The following PRKG1 variants were observed in gnomAD, a reference collection of about 807,000 sequenced individuals.
PRKG1 encodes protein kinase cGMP-dependent 1, also known as cGMP-dependent protein kinase 1.
PRKG1 carries 35 observed loss-of-function variants against 88.1 expected under a neutral mutation model. That is an observed-to-expected ratio of 0.40 (90% CI 0.30 to 0.53). PRKG1 has a LOEUF of 0.53. Ranked by LOEUF, PRKG1 falls within the 20% of genes least tolerant of loss-of-function variation. PRKG1 has a pLI of 0.59. For synonymous variants in PRKG1, 303 were observed against 292.5 expected (o/e 1.04, Z -0.37); for missense variants, 540 against 839.8 (o/e 0.64, Z 4.41).
At chr10:51,123,581 G>T (rs1198765642) in intron 1 of PRKG1, among the ~76,000 whole-genome samples, 1 of 151,946 alleles carries the variant, frequency 6.6e-6, no homozygotes, top group Non-Finnish European at 1.5e-5. Context: ...AGCTACTCGG[G>T]TGGCTGAGGC....
intron 4 of PRKG1, among the ~76,000 whole-genome samples, chr10:51,889,166 C>T (rs1007528770): frequency 6.0e-5 from 9 of 150,328 alleles, no homozygotes; most frequent in African/African-American, 1.5e-4. Context: ...CCCATTAACT[C>T]GTCATTTACA....
intron 9 of PRKG1, among the ~76,000 whole-genome samples, chr10:52,208,067 G>C (rs966450720): frequency 1.8e-4 from 28 of 152,232 alleles, no homozygotes; most frequent in Middle Eastern, 6.8e-3. Context: ...GGAGTTGAAG[G>C]CTACACTGTG....
intron 9 of PRKG1, among the ~76,000 whole-genome samples, chr10:52,238,897 A>C (rs1840766654): frequency 6.9e-6 from 1 of 145,936 alleles, no homozygotes; most frequent in African/African-American, 2.6e-5. Context: ...CACTATTCAC[A>C]ATAGCAAAGA....
chr10:51,489,621 G>T (rs1188086266), intron 3 of PRKG1, among the ~76,000 whole-genome samples: 1 of 152,140 alleles, frequency 6.6e-6, no homozygotes. Context: ...TTATTTTAAA[G>T]CCAATAGATT....
intron 9 of PRKG1, among the ~76,000 whole-genome samples, chr10:52,249,843 G>A (rs1841128645): frequency 6.7e-6 from 1 of 148,346 alleles, no homozygotes; most frequent in Admixed American, 6.8e-5. Context: ...AAAACAAAAA[G>A]CAAAAAACAA....
intron 4 of PRKG1, among the ~76,000 whole-genome samples, chr10:51,856,956 T>G (rs1318940182): frequency 8.0e-6 from 1 of 124,780 alleles, no homozygotes; most frequent in African/African-American, 2.9e-5. Context: ...AGAGCGAGAC[T>G]CCGTCTTACT....
At chr10:51,783,160 T>C (rs1838639920) in intron 3 of PRKG1, among the ~76,000 whole-genome samples, 1 of 152,182 alleles carries the variant, frequency 6.6e-6, no homozygotes, top group South Asian at 2.1e-4. Context: ...TTTGAATATG[T>C]TGGAAAAAGA....
intron 2 of PRKG1, among the ~76,000 whole-genome samples, chr10:51,241,084 T>C (rs533485274): frequency 2.8e-4 from 43 of 152,218 alleles, no homozygotes; most frequent in South Asian, 8.3e-4. Flanking sequence ...CCTCATGAAG[T>C]AGGTCCTATT....
At chr10:51,226,368 G>A (rs1021346719) in intron 2 of PRKG1, among the ~76,000 whole-genome samples, 9 of 152,194 alleles carry the variant, frequency 5.9e-5, no homozygotes, top group Non-Finnish European at 2.9e-5. Flanking sequence ...GTTTGCATGA[G>A]TTAATTGGCT....
intron 2 of PRKG1, among the ~76,000 whole-genome samples, chr10:51,257,494 TGAA>T (rs1839595393): frequency 1.3e-5 from 2 of 152,140 alleles, no homozygotes. Flanking sequence ...ACTTAAAGTT[TGAA>T]TGTATTGGGT....
At chr10:52,021,843 A>G (rs1845194120) in intron 5 of PRKG1, among the ~76,000 whole-genome samples, 1 of 152,148 alleles carries the variant, frequency 6.6e-6, no homozygotes, top group Admixed American at 6.5e-5. Context: ...TTTCATTTTG[A>G]TTGTGACAGG....
chr10:52,151,505 T>C (rs1415554178), intron 8 of PRKG1, among the ~76,000 whole-genome samples: 1 of 152,208 alleles, frequency 6.6e-6, no homozygotes, highest in Non-Finnish European at 1.5e-5. Context: ...TATGTGAAAC[T>C]TATCATTGGT....
At chr10:51,592,951 T>C (rs558625900) in intron 3 of PRKG1, among the ~76,000 whole-genome samples, 1 of 152,336 alleles carries the variant, frequency 6.6e-6, no homozygotes, top group South Asian at 2.1e-4. Context: ...TAAACTGTGA[T>C]GGCTTTGTTC....
At chr10:51,503,582 C>G (rs570739612) in intron 3 of PRKG1, among the ~76,000 whole-genome samples, 24 of 152,268 alleles carry the variant, frequency 1.6e-4, no homozygotes, top group South Asian at 6.2e-4. Flanking sequence ...CCTTAGCCAG[C>G]CTTTGAATCA....
intron 2 of PRKG1, among the ~76,000 whole-genome samples, chr10:51,290,113 T>C (rs1283141652): frequency 6.6e-6 from 1 of 152,154 alleles, no homozygotes; most frequent in Non-Finnish European, 1.5e-5. Context: ...TGTAGGCACT[T>C]GTGTGTTCAT....
rs768997492 is a variant in PRKG1, at chr10:52,287,595, C to G, written c.1710-1131C>G. 3.4e-4 allele frequency among the ~76,000 whole-genome samples: 52 copies of G among 151,632 alleles called. 1 individual carries two copies. The highest frequency in any genetic ancestry group is 7.4e-4 in the Non-Finnish European group (50 of 67,920). On this transcript the variant is annotated intron_variant, in intron 14 of 17. Coordinates refer to ENST00000373980, the MANE Select transcript of PRKG1 (RefSeq NM_006258.4). ...GAAATCATTCGTCAAGGTGTATCAT[C>G]ATCTCCCCTCTGAATTGTGAGAAAT... is the stretch of plus-strand genomic sequence containing the variant.
intron 4 of PRKG1, among the ~76,000 whole-genome samples, chr10:51,899,671 GTATATATATA>G (rs57320165): frequency 2.5e-5 from 3 of 120,408 alleles, no homozygotes; most frequent in African/African-American, 6.1e-5. Context: ...AAAGAAAAAT[GTATATATATA>G]TATATATATA....
chr10:51,004,387 A>G (rs112651680), intron 1 of PRKG1, among the ~76,000 whole-genome samples: 2 of 152,172 alleles, frequency 1.3e-5, no homozygotes, highest in Non-Finnish European at 2.9e-5. Context: ...TGAACCTGGG[A>G]GGTGGAGGTT....
At chr10:51,869,695 A>T (rs1477699173) in intron 4 of PRKG1, among the ~76,000 whole-genome samples, 1 of 152,170 alleles carries the variant, frequency 6.6e-6, no homozygotes, top group Non-Finnish European at 1.5e-5. Context: ...CTTACGCATA[A>T]TTATGAAGAG....
Sources: allele counts gnomAD v4.1 joint callset (sites outside exome capture counted in the v4.1 genomes callset), GRCh38; gene constraint gnomAD v4.1.1; transcripts MANE v1.5; gene names NCBI Gene and HGNC (gene_info 2026-07-23, HGNC 2026-07-21).